TIMM23B: variants seen among roughly 807,000 people sequenced by gnomAD.
The protein encoded by TIMM23B is translocase of inner mitochondrial membrane 23 homolog B.
In TIMM23B, 27 loss-of-function variants were observed where a neutral mutation model predicts 27.3. The observed-to-expected ratio is 0.99, with a 90% CI of 0.73 to 1.36. TIMM23B has a LOEUF of 1.36. Among genes scored for constraint, TIMM23B ranks in the 40% most tolerant of loss-of-function variants. The pLI is 0.00. For synonymous variants in TIMM23B, 73 were observed against 92.4 expected, an observed-to-expected ratio of 0.79 and a Z score of 1.21; for missense variants, 205 against 244.2, an observed-to-expected ratio of 0.84 and a Z score of 1.07.
At chr10:49,959,096 T>G (rs1360328810) in intron 6 of TIMM23B, among the ~76,000 whole-genome samples, 4 of 152,236 alleles carry the variant, frequency 2.6e-5, no homozygotes, top group African/African-American at 7.2e-5. Context: ...TTCAAGGTCC[T>G]TCTTTCTTTT....
chr10:49,966,620 G>A (rs1295222748), intron 6 of TIMM23B, among the ~76,000 whole-genome samples: 2 of 152,094 alleles, frequency 1.3e-5, no homozygotes, highest in African/African-American at 2.4e-5. Flanking sequence ...GAGGTCAGGA[G>A]TTCAAGACCA....
chr10:49,945,157 G>A, intron 2 of TIMM23B, 67 bp downstream of exon 2: 2 of 1,536,892 alleles, frequency 1.3e-6, no homozygotes, highest in South Asian at 1.1e-5. Context: ...CAAGTGCTAT[G>A]CTGACTTGAA....
intron 2 of TIMM23B, among the ~76,000 whole-genome samples, chr10:49,947,153 G>A (rs1179946721): frequency 5.3e-5 from 8 of 152,212 alleles, no homozygotes; most frequent in Non-Finnish European, 1.2e-4. Context: ...AATGTAAACC[G>A]AAGCAGTCAA....
At chr10:49,948,866 T>C (rs1389019941) in intron 2 of TIMM23B, among the ~76,000 whole-genome samples, 1 of 152,176 alleles carries the variant, frequency 6.6e-6, no homozygotes, top group Non-Finnish European at 1.5e-5. Context: ...ATGAGATACA[T>C]ATCAGTAACT....
chr10:49,961,682 C>T (rs1839918533), intron 6 of TIMM23B, among the ~76,000 whole-genome samples: 1 of 151,960 alleles, frequency 6.6e-6, no homozygotes, highest in Non-Finnish European at 1.5e-5. Context: ...TCACTACAGC[C>T]TTGAACTCCT....
intron 2 of TIMM23B, among the ~76,000 whole-genome samples, chr10:49,947,289 A>T (rs1839381965): frequency 1.3e-5 from 2 of 152,230 alleles, no homozygotes; most frequent in African/African-American, 4.8e-5. Context: ...TCAGAATTTT[A>T]AAATTTTGTG....
At chr10:49,964,988 A>G (rs550694338) in intron 6 of TIMM23B, among the ~76,000 whole-genome samples, 2 of 152,342 alleles carry the variant, frequency 1.3e-5, no homozygotes, top group South Asian at 4.1e-4. Context: ...TGGGAGGCCT[A>G]GGTGGGCGGA....
intron 2 of TIMM23B, 143 bp downstream of exon 2, chr10:49,945,233 A>G (rs1256936192): frequency 6.9e-5 from 47 of 683,336 alleles, no homozygotes; most frequent in Non-Finnish European, 1.1e-4. Flanking sequence ...CCTCACAAAC[A>G]CCAGGAGCTT....
rs2132081106 is a variant in TIMM23B, at chr10:49,974,762, G to GA, written c.*1703dup. The GA allele has an allele frequency of 7.5e-6, 1 of 133,538 alleles. No individual in the cohort carries two copies. Among genetic ancestry groups the GA allele is most frequent in the South Asian group, 2.8e-4 (1 of 3,604 alleles). The allele number at this position is 133,538 out of a possible 1,614,324, so 8.3% of individuals were successfully genotyped here. A position where few individuals can be genotyped will look rare whatever the true frequency, so the allele number is the denominator to read the frequency against. On this transcript the variant is annotated 3_prime_UTR_variant, in exon 7 of 7. Coordinates refer to ENST00000651259, the MANE Select transcript of TIMM23B (RefSeq NM_001290117.2). ...GATGCCTCAGCCTAAACATAATATG[G>GA]AAAAAGCCATAACCAAAAGTCATTT...
At chr10:49,947,075 A>T (rs1839375789) in intron 2 of TIMM23B, among the ~76,000 whole-genome samples, 3 of 152,354 alleles carry the variant, frequency 2.0e-5, no homozygotes, top group Non-Finnish European at 2.9e-5. Flanking sequence ...CCATATGCAT[A>T]AGAATGAAGT....
chr10:49,964,703 C>T (rs1469410361), intron 6 of TIMM23B, among the ~76,000 whole-genome samples: 1 of 151,780 alleles, frequency 6.6e-6, no homozygotes, highest in African/African-American at 2.4e-5. Flanking sequence ...CACACTCCAG[C>T]CTGGGTGATA....
At chr10:49,952,707 C>G (rs1400129044) in intron 4 of TIMM23B, among the ~76,000 whole-genome samples, 174 bp downstream of exon 4, 11 of 149,502 alleles carry the variant, frequency 7.4e-5, no homozygotes, top group Non-Finnish European at 4.4e-5. Context: ...ATTACTGACT[C>G]TAAGCTTTTA....
intron 2 of TIMM23B, among the ~76,000 whole-genome samples, chr10:49,946,280 A>G (rs1359152824): frequency 1.3e-5 from 2 of 151,460 alleles, no homozygotes; most frequent in African/African-American, 4.9e-5. Context: ...TTTAATGGTG[A>G]AAGACTGAAT....
At chr10:49,970,398 C>T in intron 6 of TIMM23B, 1 of 169,830 alleles carries the variant, frequency 5.9e-6, no homozygotes, top group South Asian at 1.5e-4. Context: ...AGCGCCTCTG[C>T]CCCGCCGCCC....
At chr10:49,957,053 A>C (rs1472352036) in intron 5 of TIMM23B, among the ~76,000 whole-genome samples, 1 of 150,164 alleles carries the variant, frequency 6.7e-6, no homozygotes, top group African/African-American at 2.4e-5. Context: ...CAGCAGGTTG[A>C]GCACTCTGTC....
At chr10:49,959,655 T>TA (rs1423404755) in intron 6 of TIMM23B, among the ~76,000 whole-genome samples, 2 of 152,274 alleles carry the variant, frequency 1.3e-5, no homozygotes, top group African/African-American at 4.8e-5. Flanking sequence ...TCAAGGTTTT[T>TA]ATCTTTTTAA....
chr10:49,945,059 A>T lies in TIMM23B; in HGVS notation c.134A>T (p.Tyr45Phe). The T allele has an allele frequency of 6.3e-7, 1 of 1,599,494 alleles. No homozygotes were observed. Among genetic ancestry groups the T allele is most frequent in the East Asian group, 2.2e-5 (1 of 44,840 alleles). Residue 45 changes from tyrosine (Y) to phenylalanine (F), a missense_variant, in exon 2 of 7, where the codon TAT becomes TTT. By Grantham distance (22) the Tyr-to-Phe change is conservative (BLOSUM62 3). Transcript: ENST00000651259. ...ACTGGTATGAACCCTCTGTGTCCTT[A>T]TTTAAATGTGGATCCACGATACCTC... ...PLTGMNPLCP[Y>F]LNVDPRYLVQ...
At position 49,942,312 on chromosome 10, in the gene TIMM23B, G is replaced by A. The variant is rs1393245270; in HGVS notation, c.106+12G>A. The A allele has an allele frequency of 1.2e-6, 2 of 1,602,940 alleles. No homozygotes were observed. The highest frequency in any genetic ancestry group is 1.1e-5 in the South Asian group (1 of 89,550). ...GGCTGGCGTCCCGCGTAAGTATGGG[G>A]CCTAGCTTGCGATTATTTCTGACTG... On this transcript the variant is annotated intron_variant, in intron 1 of 6. Transcript: ENST00000651259.
chr10:49,969,708 C>G (rs1370086641), intron 6 of TIMM23B, among the ~76,000 whole-genome samples: 5 of 152,216 alleles, frequency 3.3e-5, no homozygotes, highest in African/African-American at 1.2e-4. Context: ...GTGGTATATA[C>G]ATAGAATATT....
Sources: gnomAD v4.1 joint callset for allele counts (sites outside exome capture counted in the v4.1 genomes callset) on GRCh38, gnomAD v4.1.1 for gene constraint, MANE v1.5 for transcripts, NCBI Gene and HGNC (gene_info 2026-07-23, HGNC 2026-07-21) for gene names.